CEP192: variants seen among roughly 807,000 people sequenced by gnomAD.
CEP192 encodes centrosomal protein of 192 kDa.
In CEP192, 151 loss-of-function variants were observed where a neutral mutation model predicts 271.8. The observed-to-expected ratio is 0.56, with a 90% confidence interval of 0.49 to 0.64. The LOEUF (loss-of-function observed/expected upper bound fraction) is 0.64. CEP192 is among the 30% of genes least tolerant of loss of function. The probability of loss-of-function intolerance (pLI) is 0.00; values close to 1 mark genes in which losing one functional copy is unlikely to be tolerated. For missense variants in CEP192, 2,910 were observed against 3,020.5 expected, an observed-to-expected ratio of 0.96 and a Z score of 0.86; for synonymous variants, 995 against 1,076.5, an observed-to-expected ratio of 0.92 and a Z score of 1.48.
chr18:13,121,391 C>T (rs754147798), intron 44 of CEP192, among the ~76,000 whole-genome samples: 22 of 152,142 alleles, frequency 1.4e-4, no homozygotes, highest in Non-Finnish European at 2.9e-4. Context: ...GGCTGCTCTC[C>T]GAAAGCTCCA....
intron 39 of CEP192, chr18:13,103,845 A>G (rs1312291483): frequency 2.7e-5 from 15 of 549,214 alleles, no homozygotes; most frequent in South Asian, 1.1e-4. Flanking sequence ...GTGCACCACC[A>G]TGTCCAGCTA....
chr18:13,017,623 A>G (rs2034733048), intron 7 of CEP192, among the ~76,000 whole-genome samples: 1 of 152,220 alleles, frequency 6.6e-6, no homozygotes, highest in Non-Finnish European at 1.5e-5. Context: ...CTCTCTCCAT[A>G]AATACTTTCT....
chr18:13,068,099 T>C lies in CEP192; in HGVS notation c.4620T>C (p.Ala1540=). 6.2e-7 allele frequency: 1 copy of C among 1,614,220 alleles called. No individual in the cohort carries two copies. Among genetic ancestry groups the C allele is most frequent in the Non-Finnish European group, 8.5e-7 (1 of 1,180,018 alleles). ...VPIRLIINAN[A]VAWRCFTFSK... is the part of the protein sequence containing the mutation. ...ATTCTTGTATTTCTAAACAGAACGC[T>C]GTAGCCTGGCGCTGTTTCACGTTTT... is the stretch of plus-strand genomic sequence containing the variant. The change falls in exon 23 of 45, where the codon GCT becomes GCC. Residue 1540 remains alanine, a synonymous_variant. Coordinates refer to ENST00000506447, the MANE Select transcript of CEP192 (RefSeq NM_032142.4).
chr18:13,029,455 A>G (rs944940167), intron 9 of CEP192, among the ~76,000 whole-genome samples: 3 of 152,238 alleles, frequency 2.0e-5, no homozygotes, highest in Non-Finnish European at 4.4e-5. Flanking sequence ...CTATGACCAC[A>G]TCACAAAGTC....
chr18:13,071,009 AC>A, intron 27 of CEP192, 29 bp from the exon 28 acceptor site: 1 of 1,586,178 alleles, frequency 6.3e-7, no homozygotes, highest in Non-Finnish European at 8.6e-7. Context: ...TGAATACAGG[AC>A]CTTCAACTTA....
chr18:13,065,500 C>T (rs990058864), intron 21 of CEP192, among the ~76,000 whole-genome samples: 6 of 152,242 alleles, frequency 3.9e-5, no homozygotes, highest in African/African-American at 1.4e-4. Flanking sequence ...TCTAATATAA[C>T]AACAGCAAAA....
In CEP192 at chr18:13,059,219, G is replaced by A; in HGVS notation, c.4395G>A (p.Trp1465Ter). 1 of 1,614,086 alleles carries A rather than the reference G, an allele frequency of 6.2e-7. No individual in the cohort carries two copies. The highest frequency in any genetic ancestry group is 8.5e-7 in the Non-Finnish European group (1 of 1,180,004). Residue 1465 changes from tryptophan to a stop codon, truncating the protein, a stop_gained, in exon 21 of 45, where the codon TGG (tryptophan) becomes TGA (stop). Coordinates refer to ENST00000506447, the MANE Select transcript of CEP192 (RefSeq NM_032142.4). LOFTEE classifies it high-confidence loss of function. ...GATGCACATTCAGTGTTGCTTCTTG[G>A]CCATGTTCGACAGATGCTGAGACCA... ...VFRCTFSVAS[W>*]PCSTDAETIV...
chr18:13,100,267 T>TA (rs770667618), intron 37 of CEP192, 38 bp from the exon 38 acceptor site: 6 of 1,403,006 alleles, frequency 4.3e-6, no homozygotes, highest in African/African-American at 2.8e-5. Context: ...AAGTGATAGA[T>TA]ACGTTTGTAG....
Position 13,087,537 on chromosome 18 carries a change from A to T in CEP192, c.5884A>T (p.Thr1962Ser), listed in dbSNP as rs780426492. ...TTTTTTTTCTTGGCATCAGAATGTT[A>T]CTTTAATATATAATCCATCAGACAG... ...VLKERTQENV[T>S]LIYNPSDRGI... is the part of the protein sequence containing the mutation. Residue 1962 changes from threonine to serine, a missense_variant, in exon 32 of 45, where the codon ACT becomes TCT. Thr to Ser is a moderately conservative substitution (Grantham distance 58). Coordinates refer to ENST00000506447, the MANE Select transcript of CEP192 (RefSeq NM_032142.4). 17 of 1,401,962 alleles carry T rather than the reference A, an allele frequency of 1.2e-5. No homozygotes were observed. The South Asian group carries it at 2.2e-4, about 18-fold the overall frequency. The allele number at this position is 1,401,962 out of a possible 1,614,324, so 86.8% of individuals were successfully genotyped here. A position where few individuals can be genotyped will look rare whatever the true frequency, so the allele number is the denominator to read the frequency against.
In CEP192 at chr18:13,055,968, GC is replaced by G; in HGVS notation, c.3380del (p.Pro1127LeufsTer4). The part of the protein sequence containing the change: ...ATETTSLSSK[P>X]EYVKPDFRWS... Reference sequence around the variant, plus strand: ...CTGAAACTACTTCTCTGAGTAGCAAGCCTGAATATGTAAAACCTGACTTTAG... The same window carrying G: ...CTGAAACTACTTCTCTGAGTAGCAAGCTGAATATGTAAAACCTGACTTTAG... On this transcript the variant is annotated frameshift_variant, in exon 19 of 45. Transcript: ENST00000506447. LOFTEE classifies it high-confidence loss of function. 6.2e-7 allele frequency: 1 copy of G among 1,614,212 alleles called. No individual in the cohort carries two copies. The highest frequency in any genetic ancestry group is 8.5e-7 in the Non-Finnish European group (1 of 1,180,038).
chr18:13,013,420 T>C (rs2034473183), intron 5 of CEP192, among the ~76,000 whole-genome samples: 1 of 152,224 alleles, frequency 6.6e-6, no homozygotes, highest in Admixed American at 6.5e-5. Flanking sequence ...AATAATTTGT[T>C]AAATGATAGA....
At chr18:13,000,396 C>A (rs368642962) in intron 2 of CEP192, 1 of 152,160 alleles carries the variant, frequency 6.6e-6, no homozygotes, top group African/African-American at 2.4e-5. Context: ...CTCTTGATAT[C>A]TCATGAGTTT....
Position 13,117,718 on chromosome 18 carries a change from G to A in CEP192, c.7475+75G>A, listed in dbSNP as rs1372656424. ...GTCTCTTGGGAGTTGGGGCTTGTGA[G>A]GTCTCCTCTGCTGCAGGTCCTCCAT... On this transcript the variant is annotated intron_variant, in intron 44 of 44. Transcript: ENST00000506447. 5 of 1,076,130 alleles carry A rather than the reference G, an allele frequency of 4.6e-6. No individual in the cohort carries two copies. The African/African-American group carries it at 7.8e-5, about 17-fold the overall frequency. The allele number at this position is 1,076,130 out of a possible 1,614,324, so 66.7% of individuals were successfully genotyped here. A position where few individuals can be genotyped will look rare whatever the true frequency, so the allele number is the denominator to read the frequency against.
In CEP192 at chr18:13,030,615, A is replaced by G. The variant is rs2035564108; in HGVS notation, c.1534+7A>G. On this transcript the variant is annotated splice_region_variant and intron_variant, in intron 11 of 44. Transcript: ENST00000506447. ...GAAGACTTCAGATCTGGTTGTAAGT[A>G]TATGGATAAACATTTATTATAACAT... The G allele has an allele frequency of 6.3e-7, 1 of 1,586,248 alleles. No homozygotes were observed. The highest frequency in any genetic ancestry group is 1.1e-5 in the South Asian group (1 of 89,858).
chr18:13,037,351 T>A (rs755404730), intron 12 of CEP192, 50 bp downstream of exon 12: 34 of 763,502 alleles, frequency 4.5e-5, no homozygotes, highest in Non-Finnish European at 7.2e-5. Flanking sequence ...CCTGTATTAG[T>A]GTAAGTGTAG....
chr18:13,028,981 T>C (rs952059987), intron 9 of CEP192, among the ~76,000 whole-genome samples: 12 of 152,266 alleles, frequency 7.9e-5, no homozygotes, highest in African/African-American at 2.9e-4. Context: ...ACCAGGTTGT[T>C]CTTATTGCTT....
intron 44 of CEP192, among the ~76,000 whole-genome samples, chr18:13,121,140 AG>A (rs2040639331): frequency 6.6e-6 from 1 of 152,362 alleles, no homozygotes; most frequent in East Asian, 1.9e-4. Context: ...CATAATTGCC[AG>A]ATGAGAGCAG....
intron 30 of CEP192, among the ~76,000 whole-genome samples, chr18:13,080,593 T>C (rs1456653664): frequency 6.6e-6 from 1 of 152,194 alleles, no homozygotes; most frequent in Non-Finnish European, 1.5e-5. Flanking sequence ...ACAGGGACAA[T>C]TTGACTTCCT....
chr18:13,068,243 A>T lies in CEP192; in HGVS notation c.4758+6A>T. 6.2e-7 allele frequency: 1 copy of T among 1,613,892 alleles called. No homozygotes were observed. The highest frequency in any genetic ancestry group is 8.5e-7 in the Non-Finnish European group (1 of 1,179,738). On this transcript the variant is annotated splice_donor_region_variant and intron_variant, in intron 23 of 44. Coordinates refer to ENST00000506447, the MANE Select transcript of CEP192 (RefSeq NM_032142.4). Reference sequence around the variant, plus strand: ...CTGCTAGTTATGATGGACAGGTGGGAGAGAACTGGCTTAGAATTAAAGAGG... The same window carrying T: ...CTGCTAGTTATGATGGACAGGTGGGTGAGAACTGGCTTAGAATTAAAGAGG...
Sources: gnomAD v4.1 joint callset for allele counts (sites outside exome capture counted in the v4.1 genomes callset) on GRCh38, gnomAD v4.1.1 for gene constraint, MANE v1.5 for transcripts, NCBI Gene and HGNC (gene_info 2026-07-23, HGNC 2026-07-21) for gene names.